Variants in WIPI1 observed in about 807,000 individuals in gnomAD.
WIPI1 encodes WD repeat domain phosphoinositide-interacting protein 1.
WIPI1 carries 45 observed loss-of-function variants against 55.3 expected under a neutral mutation model. That is an observed-to-expected ratio of 0.81 (90% CI 0.64 to 1.04). WIPI1 has a LOEUF of 1.04. Among genes scored for constraint, WIPI1 ranks in the 50% least tolerant of loss-of-function variants. The pLI is 0.00. For missense variants in WIPI1, 445 were observed against 559.0 expected, an observed-to-expected ratio of 0.80 and a Z score of 2.06; for synonymous variants, 195 against 217.6, an observed-to-expected ratio of 0.90 and a Z score of 0.92.
chr17:68,424,274 GT>G (rs1190915889), intron 12 of WIPI1, among the ~76,000 whole-genome samples: 2 of 152,178 alleles, frequency 1.3e-5, no homozygotes, highest in Non-Finnish European at 2.9e-5. Context: ...AGCCAGAAAT[GT>G]AAAAGCTCAC....
chr17:68,428,994 T>C (rs2083385553), intron 9 of WIPI1, 58 bp from the exon 10 acceptor site: 2 of 1,353,998 alleles, frequency 1.5e-6, no homozygotes, highest in East Asian at 2.3e-5. Flanking sequence ...ATGGATTCGC[T>C]TCCAATGACA....
At chr17:68,451,844 G>A (rs1388065673) in intron 2 of WIPI1, among the ~76,000 whole-genome samples, 2 of 152,204 alleles carry the variant, frequency 1.3e-5, no homozygotes, top group African/African-American at 4.8e-5. Context: ...ACCCTCCTGA[G>A]CACAAAGGTT....
In WIPI1 at chr17:68,426,242, T is replaced by TTG. The variant is rs1555798450; in HGVS notation, c.1193-68_1193-67insCA. The TTG allele has an allele frequency of 2.6e-4, 179 of 682,762 alleles. 2 individuals are homozygous for TTG. Among genetic ancestry groups the TTG allele is most frequent in the Non-Finnish European group, 3.3e-4 (154 of 459,904 alleles). 42.3% of individuals were successfully genotyped at this position (682,762 alleles called of 1,614,324 possible). A position where few individuals can be genotyped will look rare whatever the true frequency, so the allele number is the denominator to read the frequency against. ...TGCTTTTATGCCATGACCTGGCGGG[T>TTG]GGGGAGCGGGGGCTCAAATAAAGGG... On this transcript the variant is annotated intron_variant, in intron 11 of 12. Coordinates refer to ENST00000262139, the MANE Select transcript of WIPI1 (RefSeq NM_017983.7).
Position 68,430,131 on chromosome 17 carries a change from C to T in WIPI1, c.830G>A (p.Gly277Asp). Residue 277 changes from glycine to aspartate, a missense_variant, in exon 9 of 13, where the codon GGC becomes GAC. Transcript: ENST00000262139. Reference protein sequence around the residue: ...SRPEEPSTWSGYMGKMFMAAT... With the variant: ...SRPEEPSTWSDYMGKMFMAAT... ...AGCCATAAACATCTTTCCCATGTAG[C>T]CACTCCAGGTCGAAGGCTCTTCTGG... The T allele has an allele frequency of 1.2e-6, 2 of 1,613,962 alleles. No individual in the cohort carries two copies. Among genetic ancestry groups the T allele is most frequent in the Non-Finnish European group, 1.7e-6 (2 of 1,179,940 alleles).
chr17:68,438,713 G>A (rs1446973436), intron 4 of WIPI1, among the ~76,000 whole-genome samples: 1 of 152,202 alleles, frequency 6.6e-6, no homozygotes, highest in African/African-American at 2.4e-5. Flanking sequence ...CGATTCTCCT[G>A]TCTCAGCCTG....
In WIPI1 at chr17:68,434,403, G is replaced by A. The variant is rs533120638; in HGVS notation, c.692+153C>T. ...TCAGTTTTGCTGAGCCCTAAGTAAA[G>A]CCTGGGAGTCAATTACCTGGGAGAG... On this transcript the variant is annotated intron_variant, in intron 7 of 12. Coordinates refer to ENST00000262139, the MANE Select transcript of WIPI1 (RefSeq NM_017983.7). Among the ~76,000 whole-genome samples the A allele has an allele frequency of 2.6e-5, 4 of 152,310 alleles. 1 individual carries two copies. In the South Asian group the frequency reaches 8.3e-4, roughly 32 times the overall value.
chr17:68,421,956 G>A (rs1370286756), intron 12 of WIPI1, 136 bp from the exon 13 acceptor site: 11 of 1,037,390 alleles, frequency 1.1e-5, no homozygotes, highest in East Asian at 7.2e-5. Flanking sequence ...GTCTGAACTC[G>A]CTCATGGCCA....
chr17:68,430,967 T>C (rs2083483441), intron 8 of WIPI1, among the ~76,000 whole-genome samples: 1 of 152,148 alleles, frequency 6.6e-6, no homozygotes, highest in Admixed American at 6.5e-5. Context: ...CTAGGGGGTC[T>C]TTGGACAAAC....
chr17:68,437,029 T>TGC (rs2083840468), intron 4 of WIPI1, among the ~76,000 whole-genome samples: 2 of 150,564 alleles, frequency 1.3e-5, no homozygotes, highest in African/African-American at 4.9e-5. Flanking sequence ...TGTGTGTGTG[T>TGC]GTGTGTGTAT....
chr17:68,427,109 C>A, intron 11 of WIPI1, 26 bp downstream of exon 11: 1 of 1,583,922 alleles, frequency 6.3e-7, no homozygotes, highest in Non-Finnish European at 8.7e-7. Context: ...TGGAGATGCT[C>A]CCCTGTTGGC....
intron 1 of WIPI1, 59 bp from the exon 2 acceptor site, chr17:68,453,051 T>A: frequency 7.2e-7 from 1 of 1,395,218 alleles, no homozygotes; most frequent in South Asian, 1.2e-5. Flanking sequence ...CAGATCTGTC[T>A]GCAAATAGAT....
intron 4 of WIPI1, among the ~76,000 whole-genome samples, chr17:68,439,554 G>A (rs964687919): frequency 6.6e-6 from 1 of 152,176 alleles, no homozygotes; most frequent in Non-Finnish European, 1.5e-5. Context: ...TGTGGTGATG[G>A]TTACACAATT....
intron 1 of WIPI1, among the ~76,000 whole-genome samples, chr17:68,456,244 A>AT (rs2084642858): frequency 6.6e-6 from 1 of 152,218 alleles, no homozygotes; most frequent in Non-Finnish European, 1.5e-5. Flanking sequence ...ACAAAGGCAT[A>AT]TTGTTCAGCA....
At chr17:68,431,707 G>A (rs377128515) in intron 8 of WIPI1, among the ~76,000 whole-genome samples, 10 of 8,780 alleles carry the variant, frequency 1.1e-3, no homozygotes, top group African/African-American at 5.3e-3. Flanking sequence ...CCTGGCCAGC[G>A]AAGCAGGGCT....
At chr17:68,429,012 C>A in intron 9 of WIPI1, 76 bp from the exon 10 acceptor site, 1 of 1,117,084 alleles carries the variant, frequency 9.0e-7, no homozygotes. Context: ...ACAAAGCCCC[C>A]CTCACCCTAG....
At chr17:68,446,811 T>C (rs899178626) in intron 3 of WIPI1, among the ~76,000 whole-genome samples, 15 of 152,156 alleles carry the variant, frequency 9.9e-5, no homozygotes, top group Non-Finnish European at 7.3e-5. Context: ...TGCATTTTTT[T>C]CCCAAGAGCT....
chr17:68,444,783 A>G (rs1477774959), intron 3 of WIPI1, among the ~76,000 whole-genome samples, 194 bp from the exon 4 acceptor site: 1 of 152,188 alleles, frequency 6.6e-6, no homozygotes, highest in Non-Finnish European at 1.5e-5. Flanking sequence ...ACACAAGCAT[A>G]AAATGCAAGA....
chr17:68,426,250 G>GGT lies in WIPI1; in HGVS notation c.1193-76_1193-75insAC. 4 of 828,046 alleles carry GGT rather than the reference G, an allele frequency of 4.8e-6. 1 individual carries two copies. The highest frequency in any genetic ancestry group is 7.7e-6 in the Non-Finnish European group (4 of 522,652). 51.3% of individuals were successfully genotyped at this position (828,046 alleles called of 1,614,324 possible). On this transcript the variant is annotated intron_variant, in intron 11 of 12. Coordinates refer to ENST00000262139, the MANE Select transcript of WIPI1 (RefSeq NM_017983.7). ...TGCCATGACCTGGCGGGTGGGGAGC[G>GGT]GGGGCTCAAATAAAGGGCAAAGGAA... is the stretch of plus-strand genomic sequence containing the variant.
At chr17:68,434,956 C>T in intron 6 of WIPI1, among the ~76,000 whole-genome samples, 1 of 152,144 alleles carries the variant, frequency 6.6e-6, no homozygotes, top group Non-Finnish European at 1.5e-5. Flanking sequence ...AATCCTAGCA[C>T]TTTGGGAGGC....
Sources: gnomAD v4.1 joint callset for allele counts (sites outside exome capture counted in the v4.1 genomes callset) on GRCh38, gnomAD v4.1.1 for gene constraint, MANE v1.5 for transcripts, NCBI Gene and HGNC (gene_info 2026-07-23, HGNC 2026-07-21) for gene names.